Variants in CD226 observed in about 807,000 individuals in gnomAD.
CD226 encodes the protein CD226 antigen.
A neutral mutation model predicts 34.9 loss-of-function variants in CD226; 24 were observed. That is an observed-to-expected ratio of 0.69 (90% CI 0.50 to 0.97). CD226 has a LOEUF of 0.97. Ranked by LOEUF, CD226 falls within the 50% of genes least tolerant of loss-of-function variation. The pLI is 0.00. For synonymous variants in CD226, 148 were observed against 147.4 expected, an observed-to-expected ratio of 1.00 and a Z score of -0.03; for missense variants, 397 against 412.7, an observed-to-expected ratio of 0.96 and a Z score of 0.33.
intron 2 of CD226, among the ~76,000 whole-genome samples, chr18:69,901,774 G>A (rs1488465412): frequency 2.0e-5 from 3 of 151,964 alleles, no homozygotes; most frequent in Non-Finnish European, 4.4e-5. Context: ...AGCTACTCAG[G>A]AGGCTGAGGC....
At chr18:69,908,408 A>C (rs1244594984) in intron 2 of CD226, among the ~76,000 whole-genome samples, 4 of 152,236 alleles carry the variant, frequency 2.6e-5, no homozygotes. Context: ...ATGATTAATA[A>C]ATACTTGAGA....
At chr18:69,934,279 T>TACATACACACACACACACAC (rs1555684029) in intron 2 of CD226, among the ~76,000 whole-genome samples, 94 of 73,210 alleles carry the variant, frequency 1.3e-3, no homozygotes, top group African/African-American at 2.5e-3. Context: ...ACACAGAGGA[T>TACATACACACACACACACAC]ACACACACAC....
chr18:69,895,828 G>C lies in CD226; in HGVS notation c.600C>G (p.Ser200Arg), dbSNP rs1985246448. Residue 200 changes from serine to arginine, a missense_variant, in exon 3 of 6, where the codon AGC becomes AGG. Coordinates refer to ENST00000582621, the MANE Select transcript of CD226 (RefSeq NM_001303618.2). The stretch of plus-strand genomic sequence containing the variant: ...TGACGATGACGCTCCACCTTCCGTG[G>C]CTGCAGTTGCTCACTATTTGTCTTG... Reference protein sequence around the residue: ...KFPRQIVSNCSHGRWSVIVIP... With the variant: ...KFPRQIVSNCRHGRWSVIVIP... 6.2e-7 allele frequency: 1 copy of C among 1,614,048 alleles called. No homozygotes were observed. Among genetic ancestry groups the C allele is most frequent in the Non-Finnish European group, 8.5e-7 (1 of 1,180,030 alleles).
intron 3 of CD226, among the ~76,000 whole-genome samples, chr18:69,892,965 C>G: frequency 6.6e-6 from 1 of 152,218 alleles, no homozygotes; most frequent in East Asian, 1.9e-4. Context: ...ATATCTGTCT[C>G]TCTGCTTTAA....
chr18:69,920,710 C>T (rs773776144), intron 2 of CD226, among the ~76,000 whole-genome samples: 1 of 152,192 alleles, frequency 6.6e-6, no homozygotes, highest in Non-Finnish European at 1.5e-5. Flanking sequence ...TATTGAATCT[C>T]ACCTTTCATT....
rs1344507784 is a variant in CD226 at position 69,913,788 on chromosome 18, C to G, written c.383-17743G>C. On this transcript the variant is annotated intron_variant, in intron 2 of 5. Coordinates refer to ENST00000582621, the MANE Select transcript of CD226 (RefSeq NM_001303618.2). The stretch of plus-strand genomic sequence containing the variant: ...TCAAGTGTCCTAGTGAAATGCTAAG[C>G]CTGCATATTATGGAGCAAGGGACCA... Among the ~76,000 whole-genome samples, 3 of 152,106 alleles carry G rather than the reference C, an allele frequency of 2.0e-5. No individual in the cohort carries two copies. In the East Asian group the frequency reaches 5.8e-4, roughly 29 times the overall value.
rs575025550 is a variant in CD226 at position 69,889,844 on chromosome 18, T to C, written c.727+5857A>G. ...GGGAAGATTCTCTTAGCTGTGGCAC[T>C]ATGATTTCCTAGTGAATAGTTTTGT... On this transcript the variant is annotated intron_variant, in intron 3 of 5. Transcript: ENST00000582621. 2.4e-4 allele frequency among the ~76,000 whole-genome samples: 36 copies of C among 152,346 alleles called. 1 individual carries two copies. In the South Asian group the frequency reaches 7.5e-3, roughly 32 times the overall value.
intron 2 of CD226, among the ~76,000 whole-genome samples, chr18:69,897,743 C>T (rs1260234630): frequency 6.6e-6 from 1 of 152,134 alleles, no homozygotes; most frequent in African/African-American, 2.4e-5. Context: ...TGTCACATTT[C>T]GAAAGAGAGA....
Position 69,914,098 on chromosome 18 carries a change from T to C in CD226, c.383-18053A>G, listed in dbSNP as rs553008035. ...ATGATTTTGGAACAATAATCTAAAA[T>C]GTCCAGTATTTATACTACCATCTAT... On this transcript the variant is annotated intron_variant, in intron 2 of 5. Transcript: ENST00000582621. Among the ~76,000 whole-genome samples, 6 of 152,358 alleles carry C rather than the reference T, an allele frequency of 3.9e-5. No homozygotes were observed. In the East Asian group the frequency reaches 1.2e-3, roughly 29 times the overall value.
At chr18:69,933,499 G>T (rs1166167855) in intron 2 of CD226, among the ~76,000 whole-genome samples, 1 of 152,086 alleles carries the variant, frequency 6.6e-6, no homozygotes, top group African/African-American at 2.4e-5. Context: ...AGTAACCTCT[G>T]TCACCTCCAA....
At chr18:69,950,242 ACACT>A (rs2055840151), upstream of CD226, among the ~76,000 whole-genome samples, 1 of 151,962 alleles carries the variant, frequency 6.6e-6, no homozygotes, top group South Asian at 2.1e-4. Flanking sequence ...ACATTTGCAC[ACACT>A]CTCACACACT....
intron 3 of CD226, among the ~76,000 whole-genome samples, chr18:69,880,054 T>C (rs981712093): frequency 1.3e-5 from 2 of 152,204 alleles, no homozygotes; most frequent in Non-Finnish European, 2.9e-5. Flanking sequence ...ATTGGGAATA[T>C]GTTTTTTCTC....
At chr18:69,871,217 G>A (rs1460234344) in intron 4 of CD226, among the ~76,000 whole-genome samples, 2 of 152,100 alleles carry the variant, frequency 1.3e-5, no homozygotes, top group African/African-American at 4.8e-5. Flanking sequence ...TCTGCCCCCA[G>A]GATGTTTCCC....
chr18:69,949,986 TCA>T (rs1246333465), upstream of CD226, among the ~76,000 whole-genome samples: 36 of 150,296 alleles, frequency 2.4e-4, no homozygotes, highest in Admixed American at 1.3e-3. Context: ...ATGCACACAT[TCA>T]CACTTTGTTT....
chr18:69,932,069 A>T (rs2055596423), intron 2 of CD226, among the ~76,000 whole-genome samples: 1 of 152,066 alleles, frequency 6.6e-6, no homozygotes, highest in Non-Finnish European at 1.5e-5. Context: ...CACCCTAATA[A>T]CCTCATTTTA....
upstream of CD226, among the ~76,000 whole-genome samples, chr18:69,950,590 T>C (rs968094981): frequency 6.6e-6 from 1 of 151,934 alleles, no homozygotes; most frequent in African/African-American, 2.4e-5. Flanking sequence ...TGTGGCCACA[T>C]GCAGGGTGTG....
intron 2 of CD226, among the ~76,000 whole-genome samples, chr18:69,930,110 T>C (rs1429884572): frequency 6.6e-6 from 1 of 152,176 alleles, no homozygotes. Flanking sequence ...GGGAAGATGA[T>C]GGGCTACATT....
chr18:69,890,402 C>A (rs1020004230), intron 3 of CD226, among the ~76,000 whole-genome samples: 4 of 152,036 alleles, frequency 2.6e-5, no homozygotes, highest in African/African-American at 9.7e-5. Flanking sequence ...ATCCTTGAAA[C>A]CCCATCTCTA....
intron 2 of CD226, among the ~76,000 whole-genome samples, chr18:69,927,154 G>A (rs2055531150): frequency 1.3e-5 from 2 of 152,120 alleles, no homozygotes; most frequent in African/African-American, 4.8e-5. Flanking sequence ...AGATGTTGAA[G>A]GGAGCTGCTT....
Sources: allele counts gnomAD v4.1 joint callset (sites outside exome capture counted in the v4.1 genomes callset), GRCh38; gene constraint gnomAD v4.1.1; transcripts MANE v1.5; gene names NCBI Gene and HGNC (gene_info 2026-07-23, HGNC 2026-07-21).